Variants in CCND1 observed in about 807,000 individuals in gnomAD.
CCND1 encodes the protein G1/S-specific cyclin-D1.
In CCND1, 9 loss-of-function variants were observed where a neutral mutation model predicts 26.1. The ratio of observed to expected loss-of-function variants is 0.35; its 90% confidence interval spans 0.21 to 0.60. The LOEUF is 0.60. Ranked by LOEUF, CCND1 falls within the 20% of genes least tolerant of loss-of-function variation. The probability of loss-of-function intolerance (pLI) is 0.79; values close to 1 mark genes in which losing one functional copy is unlikely to be tolerated. For missense variants in CCND1, 335 were observed against 392.9 expected (o/e 0.85, Z 1.25); for synonymous variants, 194 against 166.1 (o/e 1.17, Z -1.29).
In CCND1 at chr11:69,641,481, G is replaced by A. The variant is rs2120081508; in HGVS notation, c.168G>A (p.Met56Ile). ...KCVQKEVLPS[M>I]RKIVATWMLE... Reference sequence around the variant, plus strand: ...TGCAGAAGGAGGTCCTGCCGTCCATGCGGAAGATCGTCGCCACCTGGATGC... The same window carrying A: ...TGCAGAAGGAGGTCCTGCCGTCCATACGGAAGATCGTCGCCACCTGGATGC... The change falls in exon 1 of 5, where the codon ATG becomes ATA. Residue 56 changes from methionine (M) to isoleucine (I), a missense_variant. Coordinates refer to ENST00000227507, the MANE Select transcript of CCND1 (RefSeq NM_053056.3). 6.2e-7 allele frequency: 1 copy of A among 1,613,268 alleles called. No homozygotes were observed. Among genetic ancestry groups the A allele is most frequent in the South Asian group, 1.1e-5 (1 of 91,078 alleles).
At chr11:69,642,970 G>A (rs1855728519) in intron 1 of CCND1, 61 bp from the exon 2 acceptor site, 1 of 1,309,228 alleles carries the variant, frequency 7.6e-7, no homozygotes, top group Non-Finnish European at 1.0e-6. Context: ...GGGGGGTGCG[G>A]GGGCGTGCGG....
At chr11:69,643,684 C>G in intron 2 of CCND1, 148 bp from the exon 3 acceptor site, 1 of 673,094 alleles carries the variant, frequency 1.5e-6, no homozygotes, top group South Asian at 2.1e-5. Flanking sequence ...CGCCAGCCCT[C>G]CCCTCCAACA....
In CCND1 at chr11:69,643,059, A is replaced by G. The variant is rs1855730252; in HGVS notation, c.227A>G (p.Glu76Gly). ...EVCEEQKCEE[E>G]VFPLAMNYLD... ...TGCGAGGAACAGAAGTGCGAGGAGG[A>G]GGTCTTCCCGCTGGCCATGAACTAC... Residue 76 changes from glutamate (E) to glycine (G), a missense_variant, in exon 2 of 5, where the codon GAG becomes GGG. Glu to Gly is a moderately conservative substitution (Grantham distance 98, BLOSUM62 -2). Coordinates refer to ENST00000227507, the MANE Select transcript of CCND1 (RefSeq NM_053056.3). 1 of 1,605,374 alleles carries G rather than the reference A, an allele frequency of 6.2e-7. No homozygotes were observed. The highest frequency in any genetic ancestry group is 8.5e-7 in the Non-Finnish European group (1 of 1,176,456).
chr11:69,642,008 T>C (rs1236967628), intron 1 of CCND1, among the ~76,000 whole-genome samples: 1 of 145,702 alleles, frequency 6.9e-6, no homozygotes, highest in African/African-American at 2.6e-5. Context: ...TGTTTATTAA[T>C]AATTGGGGGC....
In CCND1 at chr11:69,654,096, G is replaced by A. The variant is rs937189911; in HGVS notation, c.*2814G>A. 92 of 649,300 alleles carry A rather than the reference G, an allele frequency of 1.4e-4. No individual in the cohort carries two copies. Among genetic ancestry groups the A allele is most frequent in the Non-Finnish European group, 2.0e-4 (73 of 357,080 alleles). 40.2% of individuals were successfully genotyped at this position (649,300 alleles called of 1,614,324 possible). Reference sequence around the variant, plus strand: ...GCCCTGGCAGGGTCATCCTGTGCTCGGAGGCCATCTCGGGCACAGGCCCAC... The same window carrying A: ...GCCCTGGCAGGGTCATCCTGTGCTCAGAGGCCATCTCGGGCACAGGCCCAC... On this transcript the variant is annotated 3_prime_UTR_variant, in exon 5 of 5. Coordinates refer to ENST00000227507, the MANE Select transcript of CCND1 (RefSeq NM_053056.3). This position sits in a 1 kb window ranked among gnomAD's most constrained non-coding sequence, Gnocchi z 6.3.
At chr11:69,647,054 G>A (rs571860997) in intron 3 of CCND1, among the ~76,000 whole-genome samples, 27 of 152,298 alleles carry the variant, frequency 1.8e-4, no homozygotes, top group African/African-American at 6.5e-4. Context: ...GCCCTCTTGG[G>A]AAAGCTGCTC....
At chr11:69,651,031 G>T (rs541475817) in intron 4 of CCND1, 87 bp from the exon 5 acceptor site, 1 of 1,322,092 alleles carries the variant, frequency 7.6e-7, no homozygotes. Flanking sequence ...AAAGGCTTCC[G>T]GGTCATGGCA....
At chr11:69,646,652 G>A (rs1033215755) in intron 3 of CCND1, among the ~76,000 whole-genome samples, 2 of 152,178 alleles carry the variant, frequency 1.3e-5, no homozygotes, top group East Asian at 1.9e-4. Context: ...AGAATTCCTC[G>A]TGGGTGTGAC....
chr11:69,649,862 G>A (rs1855833503), intron 4 of CCND1, among the ~76,000 whole-genome samples: 1 of 152,242 alleles, frequency 6.6e-6, no homozygotes, highest in Non-Finnish European at 1.5e-5. Flanking sequence ...TTGAACGTCA[G>A]GAGTCTTGTA....
chr11:69,648,803 T>C (rs1178279611), intron 4 of CCND1, among the ~76,000 whole-genome samples: 8 of 151,988 alleles, frequency 5.3e-5, no homozygotes. Context: ...TGACCCCAGC[T>C]TGGGGCTGGG....
Position 69,651,889 on chromosome 11 carries a change from T to C in CCND1, c.*607T>C, listed in dbSNP as rs1855860572. The C allele has an allele frequency of 4.3e-6, 1 of 232,948 alleles. No homozygotes were observed. The highest frequency in any genetic ancestry group is 5.6e-5 in the Admixed American group (1 of 17,766). 14.4% of individuals were successfully genotyped at this position (232,948 alleles called of 1,614,324 possible). A position where few individuals can be genotyped will look rare whatever the true frequency, so the allele number is the denominator to read the frequency against. ...TCACTTTATAAGTCATTGTATGTTATTATATTCCGTAGGTAGATGTGTAAC... is the reference window on the plus strand; with the variant it reads ...TCACTTTATAAGTCATTGTATGTTACTATATTCCGTAGGTAGATGTGTAAC... On this transcript the variant is annotated 3_prime_UTR_variant, in exon 5 of 5. Coordinates refer to ENST00000227507, the MANE Select transcript of CCND1 (RefSeq NM_053056.3).
chr11:69,643,479 G>A (rs1000129111), intron 2 of CCND1, among the ~76,000 whole-genome samples: 5 of 152,230 alleles, frequency 3.3e-5, no homozygotes, highest in Admixed American at 6.5e-5. Flanking sequence ...CGCGCCCCGC[G>A]GTGTGGCCGA....
At chr11:69,647,860 G>A (rs1855803528) in intron 3 of CCND1, 134 bp from the exon 4 acceptor site, 1 of 962,910 alleles carries the variant, frequency 1.0e-6, no homozygotes, top group Non-Finnish European at 1.5e-6. Flanking sequence ...CCTGGATGTG[G>A]AGCCTCAGAT....
In CCND1 at chr11:69,643,122, G is replaced by A. The variant is rs1855731178; in HGVS notation, c.290G>A (p.Ser97Asn). The A allele has an allele frequency of 6.2e-7, 1 of 1,610,352 alleles. No individual in the cohort carries two copies. The highest frequency in any genetic ancestry group is 8.5e-7 in the Non-Finnish European group (1 of 1,178,774). The change falls in exon 2 of 5, where the codon AGC (serine) becomes AAC (asparagine). Residue 97 changes from serine (S) to asparagine (N), a missense_variant. Ser to Asn is a conservative substitution (Grantham distance 46). Transcript: ENST00000227507. ...CTGTCGCTGGAGCCCGTGAAAAAGA[G>A]CCGCCTGCAGCTGCTGGGGGCCACT... ...RFLSLEPVKK[S>N]RLQLLGATCM...
At position 69,652,953 on chromosome 11, in the gene CCND1, G is replaced by A; in HGVS notation, c.*1671G>A. ...GGCGTTTCCCAGAGTCATCTGATTG[G>A]ACAGGCATGGGTGCAAGGAAAATTA... On this transcript the variant is annotated 3_prime_UTR_variant, in exon 5 of 5. Transcript: ENST00000227507. The A allele has an allele frequency of 6.4e-6, 2 of 313,490 alleles. No homozygotes were observed. Among genetic ancestry groups the A allele is most frequent in the Non-Finnish European group, 1.2e-5 (2 of 171,698 alleles). 19.4% of individuals were successfully genotyped at this position (313,490 alleles called of 1,614,324 possible). A position where few individuals can be genotyped will look rare whatever the true frequency, so the allele number is the denominator to read the frequency against.
In CCND1 at chr11:69,653,250, C is replaced by T; in HGVS notation, c.*1968C>T. The T allele has an allele frequency of 1.4e-6, 1 of 701,710 alleles. No individual in the cohort carries two copies. The highest frequency in any genetic ancestry group is 2.6e-6 in the Non-Finnish European group (1 of 384,662). The allele number at this position is 701,710 out of a possible 1,614,324, so 43.5% of individuals were successfully genotyped here. ...GCTCCATTTTCTTATTGCGCTGCTACCGTTGACTTCCAGGCACGGTTTGGA... is the reference window on the plus strand; with the variant it reads ...GCTCCATTTTCTTATTGCGCTGCTATCGTTGACTTCCAGGCACGGTTTGGA... On this transcript the variant is annotated 3_prime_UTR_variant, in exon 5 of 5. Coordinates refer to ENST00000227507, the MANE Select transcript of CCND1 (RefSeq NM_053056.3).
chr11:69,652,574 T>G lies in CCND1; in HGVS notation c.*1292T>G, dbSNP rs1224675033. ...AGTTTAGGAATCCTTTGGTGCCAACTGGTGTTTGAAAGTAGGGACCTCAGA... is the reference window on the plus strand; with the variant it reads ...AGTTTAGGAATCCTTTGGTGCCAACGGGTGTTTGAAAGTAGGGACCTCAGA... On this transcript the variant is annotated 3_prime_UTR_variant, in exon 5 of 5. Transcript: ENST00000227507. The G allele has an allele frequency of 4.3e-6, 1 of 233,214 alleles. No homozygotes were observed. The highest frequency in any genetic ancestry group is 8.5e-6 in the Non-Finnish European group (1 of 118,074). 14.4% of individuals were successfully genotyped at this position (233,214 alleles called of 1,614,324 possible). A position where few individuals can be genotyped will look rare whatever the true frequency, so the allele number is the denominator to read the frequency against.
At position 69,643,927 on chromosome 11, in the gene CCND1, G is replaced by C. The variant is rs747336419; in HGVS notation, c.510G>C (p.Glu170Asp). Residue 170 changes from glutamate to aspartate, a missense_variant, in exon 3 of 5, where the codon GAG (glutamate) becomes GAC (aspartate). Physicochemically the swap from Glu to Asp is conservative, Grantham distance 45. Coordinates refer to ENST00000227507, the MANE Select transcript of CCND1 (RefSeq NM_053056.3). ...FIEHFLSKMP[E>D]AEENKQIIRK... Reference sequence around the variant, plus strand: ...AACACTTCCTCTCCAAAATGCCAGAGGCGGAGGAGAACAAACAGATCATCC... The same window carrying C: ...AACACTTCCTCTCCAAAATGCCAGACGCGGAGGAGAACAAACAGATCATCC... 6.2e-7 allele frequency: 1 copy of C among 1,613,654 alleles called. No homozygotes were observed. Among genetic ancestry groups the C allele is most frequent in the East Asian group, 2.2e-5 (1 of 44,876 alleles).
rs2120123947 is a variant in CCND1 at position 69,652,008 on chromosome 11, AC to A, written c.*727del. ...CTTTGCGCCTGTGACCACCACCCCA[AC>A]AAACCATCCAGTGACAAACCATCCA... On this transcript the variant is annotated 3_prime_UTR_variant, in exon 5 of 5. Coordinates refer to ENST00000227507, the MANE Select transcript of CCND1 (RefSeq NM_053056.3). The A allele has an allele frequency of 4.3e-6, 1 of 233,186 alleles. No individual in the cohort carries two copies. The highest frequency in any genetic ancestry group is 5.6e-5 in the Admixed American group (1 of 17,788). 14.4% of individuals were successfully genotyped at this position (233,186 alleles called of 1,614,324 possible).
Sources: allele counts gnomAD v4.1 joint callset (sites outside exome capture counted in the v4.1 genomes callset), GRCh38; gene constraint gnomAD v4.1.1; non-coding constraint Gnocchi (gnomAD v3.1); transcripts MANE v1.5; gene names NCBI Gene and HGNC (gene_info 2026-07-23, HGNC 2026-07-21).